NFAT5: variants seen among roughly 807,000 people sequenced by gnomAD.
The protein encoded by NFAT5 is nuclear factor of activated T-cells 5.
Under a neutral mutation model 166.5 loss-of-function variants are expected in NFAT5, and 31 were observed. The observed-to-expected ratio is 0.19, with a 90% CI of 0.14 to 0.25. NFAT5 has a LOEUF of 0.25. NFAT5 is among the 10% of genes least tolerant of loss of function. NFAT5 has a pLI of 1.00. For synonymous variants in NFAT5, 612 were observed against 639.7 expected (o/e 0.96, Z 0.65); for missense variants, 1,449 against 1,821.8 (o/e 0.80, Z 3.72).
chr16:69,608,853 G>A (rs952233558), intron 2 of NFAT5, among the ~76,000 whole-genome samples: 9 of 151,032 alleles, frequency 6.0e-5, no homozygotes, highest in Admixed American at 1.3e-4. Context: ...CAGGTGTGGT[G>A]GCTCACGCCT....
intron 2 of NFAT5, among the ~76,000 whole-genome samples, chr16:69,593,571 T>G (rs1243815188): frequency 6.6e-6 from 1 of 151,874 alleles, no homozygotes; most frequent in African/African-American, 2.4e-5. Context: ...TGCCTCAGCC[T>G]CCCAAAATGC....
intron 9 of NFAT5, among the ~76,000 whole-genome samples, chr16:69,672,374 AG>A (rs2036658365): frequency 1.3e-5 from 2 of 152,200 alleles, no homozygotes; most frequent in Non-Finnish European, 2.9e-5. Flanking sequence ...TTTGTGCTCC[AG>A]TTTTCTGATC....
chr16:69,687,675 T>TA (rs1318771915), intron 11 of NFAT5, among the ~76,000 whole-genome samples: 5 of 152,172 alleles, frequency 3.3e-5, no homozygotes, highest in African/African-American at 1.2e-4. Flanking sequence ...TAATAAGCAT[T>TA]ACTATCTAAA....
chr16:69,640,315 A>G (rs574193408), intron 3 of NFAT5, among the ~76,000 whole-genome samples: 34 of 152,092 alleles, frequency 2.2e-4, no homozygotes, highest in Non-Finnish European at 7.4e-5. Flanking sequence ...TTCCTTTCTT[A>G]CTTTTTGTTT....
intron 3 of NFAT5, chr16:69,644,771 C>T (rs1018501636): frequency 3.0e-5 from 13 of 439,132 alleles, no homozygotes; most frequent in African/African-American, 2.6e-4. Flanking sequence ...TGCTTTTCAC[C>T]TGTACTTTCC....
intron 2 of NFAT5, among the ~76,000 whole-genome samples, chr16:69,608,276 G>A (rs2033520734): frequency 6.6e-6 from 1 of 152,102 alleles, no homozygotes; most frequent in Non-Finnish European, 1.5e-5. Flanking sequence ...AGAATCCCTT[G>A]AGTAGTTCCC....
rs564568485 is a variant in NFAT5, at chr16:69,591,475, A to T, written c.127+22927A>T. ...ACAGGATTTCTAGTTAGGAAACATA[A>T]TCAAGTATCTGTTTTAAACTTTGCT... On this transcript the variant is annotated intron_variant, in intron 2 of 14. Coordinates refer to ENST00000349945, the MANE Select transcript of NFAT5 (RefSeq NM_138713.4). Among the ~76,000 whole-genome samples the T allele has an allele frequency of 2.5e-4, 38 of 152,292 alleles. No homozygotes were observed. In the South Asian group the frequency reaches 7.2e-3, roughly 29 times the overall value.
At chr16:69,657,977 C>T (rs140234484) in intron 6 of NFAT5, among the ~76,000 whole-genome samples, 23,764 of 148,314 alleles carry the variant, frequency 0.16, 2,090 homozygotes, top group East Asian at 0.37. Context: ...CCCAGCTACT[C>T]CAGAGGCTGA....
intron 2 of NFAT5, among the ~76,000 whole-genome samples, chr16:69,573,817 G>A (rs554919493): frequency 4.0e-5 from 6 of 150,058 alleles, no homozygotes; most frequent in Non-Finnish European, 5.9e-5. Flanking sequence ...CAAAGTGGTA[G>A]TACAGAAAAA....
At chr16:69,630,505 C>T (rs527361588) in intron 3 of NFAT5, among the ~76,000 whole-genome samples, 25 of 152,066 alleles carry the variant, frequency 1.6e-4, no homozygotes, top group Admixed American at 3.3e-4. Context: ...GTTTTTGTCC[C>T]AGTGGAAAGA....
intron 2 of NFAT5, among the ~76,000 whole-genome samples, chr16:69,598,132 C>T (rs546349247): frequency 5.3e-5 from 8 of 151,900 alleles, no homozygotes; most frequent in Non-Finnish European, 1.2e-4. Flanking sequence ...CCTGTAATTC[C>T]AGCACTTTGG....
intron 2 of NFAT5, among the ~76,000 whole-genome samples, chr16:69,621,198 C>T (rs1028489870): frequency 1.3e-5 from 2 of 151,772 alleles, no homozygotes; most frequent in Admixed American, 1.3e-4. Context: ...CTGTTAGATA[C>T]CCTGCTTGTT....
intron 9 of NFAT5, among the ~76,000 whole-genome samples, chr16:69,671,197 C>G (rs2036607406): frequency 6.6e-6 from 1 of 152,194 alleles, no homozygotes; most frequent in Non-Finnish European, 1.5e-5. Flanking sequence ...GTTGCCACTT[C>G]ATACACCAGA....
chr16:69,605,847 G>A (rs1216925978), intron 2 of NFAT5, among the ~76,000 whole-genome samples: 1 of 152,018 alleles, frequency 6.6e-6, no homozygotes. Context: ...CCAAGTAGCT[G>A]GGACTACAGG....
At chr16:69,651,209 T>C (rs1315228736) in intron 4 of NFAT5, among the ~76,000 whole-genome samples, 1 of 152,220 alleles carries the variant, frequency 6.6e-6, no homozygotes, top group Non-Finnish European at 1.5e-5. Context: ...CAAACATTTC[T>C]TCAGCACCTG....
Position 69,583,795 on chromosome 16 carries a change from A to G in NFAT5, c.127+15247A>G, listed in dbSNP as rs190040007. The stretch of plus-strand genomic sequence containing the variant: ...ATGAAAGAGTAAATGAATGAATCCT[A>G]CATCCAGAAAAGAAGGAAGGAAGGG... On this transcript the variant is annotated intron_variant, in intron 2 of 14. Coordinates refer to ENST00000349945, the MANE Select transcript of NFAT5 (RefSeq NM_138713.4). Among the ~76,000 whole-genome samples the G allele has an allele frequency of 1.2e-3, 177 of 152,330 alleles. 2 individuals carry two copies. The highest frequency in any genetic ancestry group is 1.9e-3 in the Non-Finnish European group (130 of 68,032).
rs781037911 is a variant in NFAT5 at position 69,693,520 on chromosome 16, C to T, written c.3695C>T (p.Ala1232Val). The T allele has an allele frequency of 6.8e-6, 11 of 1,614,132 alleles. No homozygotes were observed. The highest frequency in any genetic ancestry group is 9.3e-6 in the Non-Finnish European group (11 of 1,180,016). ...CAGGGTTTATTTCAGCCTCAGGTGG[C>T]CCTGGGCTCCCTTCCACCTAATCCA... ...PQQGLFQPQV[A>V]LGSLPPNPMP... is the part of the protein sequence containing the mutation. Residue 1232 changes from alanine (A) to valine (V), a missense_variant, in exon 13 of 15, where the codon GCC becomes GTC. Ala to Val is a moderately conservative substitution (Grantham distance 64). Around this residue, in one of 7 missense-constraint regions of NFAT5, gnomAD observed 891 missense variants for 993.0 expected, o/e 0.90. Transcript: ENST00000349945.
chr16:69,655,422 A>G (rs1242691780), intron 5 of NFAT5, among the ~76,000 whole-genome samples, 187 bp from the exon 6 acceptor site: 1 of 152,156 alleles, frequency 6.6e-6, no homozygotes, highest in Admixed American at 6.5e-5. Flanking sequence ...AATTAAAACT[A>G]TGACTTACTT....
intron 10 of NFAT5, among the ~76,000 whole-genome samples, chr16:69,682,703 AT>A (rs1453399390): frequency 6.6e-6 from 1 of 152,152 alleles, no homozygotes; most frequent in African/African-American, 2.4e-5. Flanking sequence ...ATTAGCTTAT[AT>A]TTTTAAATCT....
Sources: allele counts gnomAD v4.1 joint callset (sites outside exome capture counted in the v4.1 genomes callset), GRCh38; gene constraint gnomAD v4.1.1; regional missense constraint gnomAD v4.1.1; transcripts MANE v1.5; gene names NCBI Gene and HGNC (gene_info 2026-07-23, HGNC 2026-07-21).